The following LRRC19 variants were observed in gnomAD, a reference collection of about 807,000 sequenced individuals.
LRRC19 encodes leucine rich repeat containing 19, also known as leucine-rich repeat-containing protein 19.
LRRC19 carries 33 observed loss-of-function variants against 33.3 expected under a neutral mutation model. The ratio of observed to expected loss-of-function variants is 0.99; its 90% CI spans 0.75 to 1.33. LRRC19 has a LOEUF of 1.33. Ranked by LOEUF, LRRC19 falls within the 40% of genes most tolerant of loss-of-function variation. The pLI is 0.00. For synonymous variants in LRRC19, 184 were observed against 152.3 expected (o/e 1.21, Z -1.53); for missense variants, 463 against 417.3 (o/e 1.11, Z -0.95).
At chr9:26,998,790 C>G (rs959340235) in intron 2 of LRRC19, among the ~76,000 whole-genome samples, 8 of 151,382 alleles carry the variant, frequency 5.3e-5, no homozygotes, top group African/African-American at 1.9e-4. Flanking sequence ...TCAAGACCAG[C>G]CTGTCCAACA....
intron 3 of LRRC19, 40 bp from the exon 4 acceptor site, chr9:26,996,539 A>T: frequency 8.0e-7 from 1 of 1,257,062 alleles, no homozygotes; most frequent in South Asian, 2.9e-5. Context: ...ATAGAGAAAA[A>T]TAATAGTTAA....
intron 2 of LRRC19, among the ~76,000 whole-genome samples, chr9:26,998,791 C>A (rs1380064261): frequency 6.6e-6 from 1 of 151,054 alleles, no homozygotes; most frequent in Admixed American, 6.6e-5. Flanking sequence ...CAAGACCAGC[C>A]TGTCCAACAC....
chr9:26,997,662 G>A, intron 3 of LRRC19, 66 bp downstream of exon 3: 1 of 1,492,338 alleles, frequency 6.7e-7, no homozygotes, highest in Non-Finnish European at 9.0e-7. Flanking sequence ...CGTGATATGA[G>A]AGATTTTTCT....
Position 26,997,869 on chromosome 9 carries a change from G to C in LRRC19, c.454C>G (p.Leu152Val), listed in dbSNP as rs1329146708. 1 of 1,614,182 alleles carries C rather than the reference G, an allele frequency of 6.2e-7. No individual in the cohort carries two copies. The highest frequency in any genetic ancestry group is 2.2e-5 in the East Asian group (1 of 44,866). Residue 152 changes from leucine (L) to valine (V), a missense_variant, in exon 3 of 5, where the codon CTG becomes GTG. By Grantham distance (32) the Leu-to-Val change is conservative. Transcript: ENST00000380055. ...AAATAGCTAATCAAATTGCCTTGCA[G>C]ATTCAGAAGTTTTAGGCTTCTTAGA... ...VPLRSLKLLN[L>V]QGNLISYLDV...
Position 26,995,646 on chromosome 9 carries a change from T to C in LRRC19, c.988A>G (p.Ile330Val), listed in dbSNP as rs1397306813. 7.4e-6 allele frequency: 12 copies of C among 1,613,876 alleles called. No individual in the cohort carries two copies. The highest frequency in any genetic ancestry group is 9.3e-6 in the Non-Finnish European group (11 of 1,179,810). The stretch of plus-strand genomic sequence containing the variant: ...GTTTCTTCAGAGTTTGTTTCTGGTA[T>C]CTGTGAAAGAGAGCTTGGATTTCCA... ...FTGNPSSLSQ[I>V]PETNSEETTV... Residue 330 changes from isoleucine to valine, a missense_variant, in exon 5 of 5, where the codon ATA becomes GTA. Ile to Val is a conservative substitution (Grantham distance 29). Transcript: ENST00000380055.
At chr9:27,001,518 T>G (rs1235534485) in intron 1 of LRRC19, among the ~76,000 whole-genome samples, 1 of 152,212 alleles carries the variant, frequency 6.6e-6, no homozygotes, top group Non-Finnish European at 1.5e-5. Context: ...GGTGAGATTA[T>G]ATATCATTGT....
rs746393675 is a variant in LRRC19, at chr9:26,996,339, G to C, written c.756C>G (p.Ser252Arg). Residue 252 changes from serine to arginine, a missense_variant, in exon 4 of 5, where the codon AGC (serine) becomes AGG (arginine). Physicochemically the swap from Ser to Arg is moderately radical, Grantham distance 110 (BLOSUM62 -1). Coordinates refer to ENST00000380055, the MANE Select transcript of LRRC19 (RefSeq NM_022901.3). ...AATTTCTTGTTAAGTTGTTCGAAGA[G>C]CTATTAAATATTGAATTGCTGATGG... ...FQPISNSIFN[S>R]SSNNLTRNSE... 1 of 1,601,794 alleles carries C rather than the reference G, an allele frequency of 6.2e-7. No homozygotes were observed. The highest frequency in any genetic ancestry group is 1.3e-5 in the African/African-American group (1 of 74,684).
At chr9:27,004,521 C>G (rs1025185591) in intron 1 of LRRC19, among the ~76,000 whole-genome samples, 1 of 152,128 alleles carries the variant, frequency 6.6e-6, no homozygotes, top group Non-Finnish European at 1.5e-5. Flanking sequence ...AGTCCCCAGA[C>G]AAAGCATTTG....
chr9:27,002,828 G>T (rs377164222), intron 1 of LRRC19, among the ~76,000 whole-genome samples: 2 of 152,090 alleles, frequency 1.3e-5, no homozygotes, highest in Non-Finnish European at 2.9e-5. Context: ...TCTATGAAGA[G>T]CGTCACTGTA....
chr9:27,000,607 A>G (rs981668811), intron 1 of LRRC19, among the ~76,000 whole-genome samples: 1 of 152,204 alleles, frequency 6.6e-6, no homozygotes, highest in Non-Finnish European at 1.5e-5. Context: ...GGGATATCCA[A>G]CACGTTAAAT....
intron 1 of LRRC19, among the ~76,000 whole-genome samples, chr9:27,000,406 A>G (rs903332893): frequency 6.6e-6 from 1 of 152,168 alleles, no homozygotes; most frequent in Non-Finnish European, 1.5e-5. Flanking sequence ...AATTTTAGGC[A>G]TTATCTATTG....
chr9:26,996,330 G>T lies in LRRC19; in HGVS notation c.765C>A (p.Asn255Lys), dbSNP rs778748327. The change falls in exon 4 of 5, where the codon AAC becomes AAA. Residue 255 changes from asparagine (N) to lysine (K), a missense_variant. Physicochemically the swap from Asn to Lys is moderately conservative, Grantham distance 94. Transcript: ENST00000380055. Reference protein sequence around the residue: ...ISNSIFNSSSNNLTRNSEHEP... With the variant: ...ISNSIFNSSSKNLTRNSEHEP... Reference sequence around the variant, plus strand: ...TATTACCTGAATTTCTTGTTAAGTTGTTCGAAGAGCTATTAAATATTGAAT... The same window carrying T: ...TATTACCTGAATTTCTTGTTAAGTTTTTCGAAGAGCTATTAAATATTGAAT... The T allele has an allele frequency of 3.1e-6, 5 of 1,596,130 alleles. No homozygotes were observed. Among genetic ancestry groups the T allele is most frequent in the African/African-American group, 1.3e-5 (1 of 74,680 alleles).
intron 3 of LRRC19, among the ~76,000 whole-genome samples, 156 bp downstream of exon 3, chr9:26,997,572 G>A (rs1277526662): frequency 1.3e-5 from 2 of 152,160 alleles, no homozygotes; most frequent in Non-Finnish European, 2.9e-5. Flanking sequence ...GACCTCAGGT[G>A]ATCCCCCTGC....
Position 26,994,730 on chromosome 9 carries a change from C to T in LRRC19, c.*791G>A, listed in dbSNP as rs1312356588. Reference sequence around the variant, plus strand: ...CTACTGAATAGATAGAAATAGCTGTCCATGGACCACATGAAGATTCCTTAG... The same window carrying T: ...CTACTGAATAGATAGAAATAGCTGTTCATGGACCACATGAAGATTCCTTAG... On this transcript the variant is annotated 3_prime_UTR_variant, in exon 5 of 5. Coordinates refer to ENST00000380055, the MANE Select transcript of LRRC19 (RefSeq NM_022901.3). 6.6e-6 allele frequency: 1 copy of T among 152,486 alleles called. No individual in the cohort carries two copies. Among genetic ancestry groups the T allele is most frequent in the Non-Finnish European group, 1.5e-5 (1 of 68,018 alleles). 9.4% of individuals were successfully genotyped at this position (152,486 alleles called of 1,614,324 possible).
Position 27,000,828 on chromosome 9 carries a change from TTAAAAA to T in LRRC19, c.-9-1131_-9-1126del, listed in dbSNP as rs547365212. 1.8e-4 allele frequency among the ~76,000 whole-genome samples: 28 copies of T among 152,254 alleles called. No homozygotes were observed. The South Asian group carries it at 3.9e-3, about 21-fold the overall frequency. On this transcript the variant is annotated intron_variant, in intron 1 of 4. Coordinates refer to ENST00000380055, the MANE Select transcript of LRRC19 (RefSeq NM_022901.3). ...ATAACCTGCACATGTACCCCGGAAC[TTAAAAA>T]TAAAAGTTGAAGGAAAAAAATTACT...
intron 1 of LRRC19, among the ~76,000 whole-genome samples, chr9:27,005,131 T>C (rs1296884395): frequency 1.3e-5 from 2 of 150,430 alleles, no homozygotes; most frequent in African/African-American, 2.5e-5. Flanking sequence ...ATTGTGTAGA[T>C]TTTTTTCAGA....
Position 26,998,134 on chromosome 9 carries a change from A to G in LRRC19, c.189T>C (p.Gly63=), listed in dbSNP as rs764673223. Residue 63 remains glycine, a synonymous_variant, in exon 3 of 5, where the codon GGT becomes GGC. Transcript: ENST00000380055. ...DLSYNQITLN[G]TDTRVLQTYF... ...ATGTCTGTAGAACTCTTGTGTCTGT[A>G]CCATTAAGAGTAATTTGGTTATAAC... 14 of 1,611,844 alleles carry G rather than the reference A, an allele frequency of 8.7e-6. No homozygotes were observed. Among genetic ancestry groups the G allele is most frequent in the Non-Finnish European group, 1.2e-5 (14 of 1,178,460 alleles).
chr9:27,003,785 T>A (rs575657399), intron 1 of LRRC19, among the ~76,000 whole-genome samples: 1 of 152,202 alleles, frequency 6.6e-6, no homozygotes, highest in Non-Finnish European at 1.5e-5. Flanking sequence ...CATAATAGAA[T>A]CCCTTTTAGA....
At chr9:27,002,944 G>A (rs1412166841) in intron 1 of LRRC19, among the ~76,000 whole-genome samples, 1 of 150,454 alleles carries the variant, frequency 6.6e-6, no homozygotes, top group African/African-American at 2.4e-5. Context: ...ATTTTTTTTT[G>A]TATCCTCTTC....
Sources: allele counts gnomAD v4.1 joint callset (sites outside exome capture counted in the v4.1 genomes callset), GRCh38; gene constraint gnomAD v4.1.1; transcripts MANE v1.5; gene names NCBI Gene and HGNC (gene_info 2026-07-23, HGNC 2026-07-21).